CACNA1B: variants seen among roughly 807,000 people sequenced by gnomAD.
CACNA1B encodes voltage-dependent N-type calcium channel subunit alpha-1B.
CACNA1B carries 70 observed loss-of-function variants against 247.2 expected under a neutral mutation model. The ratio of observed to expected loss-of-function variants is 0.28; its 90% CI spans 0.23 to 0.35. CACNA1B has a LOEUF of 0.35. Ranked by LOEUF, CACNA1B falls within the 10% of genes least tolerant of loss-of-function variation. The pLI is 1.00. For missense variants in CACNA1B, 2,367 were observed against 3,197.4 expected (o/e 0.74, Z 6.26); for synonymous variants, 1,231 against 1,294.4 (o/e 0.95, Z 1.05).
In CACNA1B at chr9:138,021,142, G is replaced by C. The variant is rs568181953; in HGVS notation, c.2268-1869G>C. Among the ~76,000 whole-genome samples the C allele has an allele frequency of 4.6e-5, 7 of 152,318 alleles. No individual in the cohort carries two copies. In the South Asian group the frequency reaches 1.0e-3, roughly 23 times the overall value. ...ACCACTCAGCACTGTTGGCAGTAGA[G>C]CCCTTTTGTCTTGGTCCCAGCTGGG... is the stretch of plus-strand genomic sequence containing the variant. On this transcript the variant is annotated intron_variant, in intron 18 of 46. Coordinates refer to ENST00000371372, the MANE Select transcript of CACNA1B (RefSeq NM_000718.4).
In CACNA1B at chr9:138,121,905, G is replaced by A. The variant is rs199734998; in HGVS notation, c.6926G>A (p.Arg2309His). The stretch of plus-strand genomic sequence containing the variant: ...ACCTCCCAGTCTCACCCTCTCCGCC[G>A]CGTGCCCAACGGTTACCACTGCACC... ...SLTSQSHPLR[R>H]VPNGYHCTLG... The change falls in exon 47 of 47, where the codon CGC becomes CAC. Residue 2309 changes from arginine (R) to histidine (H), a missense_variant. Transcript: ENST00000371372. This position sits in a 1 kb window ranked among gnomAD's most constrained non-coding sequence, Gnocchi z 6.8. 29 of 1,611,934 alleles carry A rather than the reference G, an allele frequency of 1.8e-5. No individual in the cohort carries two copies. Among genetic ancestry groups the A allele is most frequent in the Non-Finnish European group, 2.4e-5 (28 of 1,179,838 alleles).
chr9:137,981,172 A>G (rs1442391770), intron 12 of CACNA1B, among the ~76,000 whole-genome samples: 3 of 152,156 alleles, frequency 2.0e-5, no homozygotes, highest in Non-Finnish European at 4.4e-5. Context: ...CTTTTTAATA[A>G]TAGCCATTCT....
In CACNA1B at chr9:138,097,712, C is replaced by T. The variant is rs929884899; in HGVS notation, c.5222+1101C>T. 3.4e-4 allele frequency among the ~76,000 whole-genome samples: 52 copies of T among 152,170 alleles called. 1 individual carries two copies. The highest frequency in any genetic ancestry group is 8.8e-5 in the Non-Finnish European group (6 of 68,034). Reference sequence around the variant, plus strand: ...GCTCCTCAGCCTGCCCAGGCCCCCTCGCACTCCTCTGCCCCCAGTGCCCTT... The same window carrying T: ...GCTCCTCAGCCTGCCCAGGCCCCCTTGCACTCCTCTGCCCCCAGTGCCCTT... On this transcript the variant is annotated intron_variant, in intron 37 of 46. Transcript: ENST00000371372.
At chr9:138,015,076 G>T (rs974856220) in intron 18 of CACNA1B, among the ~76,000 whole-genome samples, 1 of 152,120 alleles carries the variant, frequency 6.6e-6, no homozygotes, top group Admixed American at 6.5e-5. Context: ...ACCCCTAGGT[G>T]TTCTGCCTCA....
In CACNA1B at chr9:138,120,261, C is replaced by T. The variant is rs200036618; in HGVS notation, c.6127C>T (p.Pro2043Ser). Residue 2043 changes from proline (P) to serine (S), a missense_variant, in exon 45 of 47, where the codon CCC (proline) becomes TCC (serine). Pro to Ser is a moderately conservative substitution (Grantham distance 74). This residue lies in a region of CACNA1B where 773 missense variants were observed against 779.4 expected (regional missense o/e 0.99). Transcript: ENST00000371372. ...HLCSTTPDRP[P>S]PSQASSHHHH... Reference sequence around the variant, plus strand: ...TTGCAGCACCACCCCGGACCGCCCACCCCCTAGCCAGGCGTCGTCGCACCA... The same window carrying T: ...TTGCAGCACCACCCCGGACCGCCCATCCCCTAGCCAGGCGTCGTCGCACCA... 6.3e-7 allele frequency: 1 copy of T among 1,599,774 alleles called. No homozygotes were observed.
At position 138,058,537 on chromosome 9, in the gene CACNA1B, C is replaced by G; in HGVS notation, c.4309-32C>G. 6.3e-7 allele frequency: 1 copy of G among 1,584,602 alleles called. No homozygotes were observed. The highest frequency in any genetic ancestry group is 8.6e-7 in the Non-Finnish European group (1 of 1,166,448). Reference sequence around the variant, plus strand: ...ATGCCGTCGGGTAGGTTTTCTGCTTCTGAGTCTCTGTGCTCCTTTCTCCCC... The same window carrying G: ...ATGCCGTCGGGTAGGTTTTCTGCTTGTGAGTCTCTGTGCTCCTTTCTCCCC... On this transcript the variant is annotated intron_variant, in intron 28 of 46. Transcript: ENST00000371372. This position sits in a 1 kb window ranked among gnomAD's most constrained non-coding sequence, Gnocchi z 4.7.
Position 138,025,089 on chromosome 9 carries a change from G to A in CACNA1B, c.3203G>A (p.Gly1068Asp). ...AATCAGCGGAACGTCACTCGCATGG[G>A]CAGTCAGCCCCCAGACCCGAACACT... ...ADNQRNVTRM[G>D]SQPPDPNTIV... is the part of the protein sequence containing the mutation. The change falls in exon 20 of 47, where the codon GGC becomes GAC. Residue 1068 changes from glycine (G) to aspartate (D), a missense_variant. By Grantham distance (94) the Gly-to-Asp change is moderately conservative (BLOSUM62 -1). Coordinates refer to ENST00000371372, the MANE Select transcript of CACNA1B (RefSeq NM_000718.4). The A allele has an allele frequency of 6.2e-7, 1 of 1,613,334 alleles. No homozygotes were observed. The highest frequency in any genetic ancestry group is 1.1e-5 in the South Asian group (1 of 90,826).
chr9:138,116,993 A>G (rs556800576), intron 42 of CACNA1B, among the ~76,000 whole-genome samples: 1 of 152,310 alleles, frequency 6.6e-6, no homozygotes, highest in South Asian at 2.1e-4. Context: ...TGCTGTGGTC[A>G]GGGTGTGGTC....
chr9:138,037,921 G>C (rs532039620), intron 20 of CACNA1B, among the ~76,000 whole-genome samples: 9 of 152,168 alleles, frequency 5.9e-5, no homozygotes, highest in Non-Finnish European at 1.2e-4. Flanking sequence ...TCGCAAAATG[G>C]TGAATTTATA....
rs183608160 is a variant in CACNA1B at position 138,068,589 on chromosome 9, C to G, written c.4669-1169C>G. 295 of 518,774 alleles carry G rather than the reference C, an allele frequency of 5.7e-4. 2 individuals carry two copies. Among genetic ancestry groups the G allele is most frequent in the African/African-American group, 5.1e-3 (265 of 52,050 alleles). 32.1% of individuals were successfully genotyped at this position (518,774 alleles called of 1,614,324 possible). On this transcript the variant is annotated intron_variant, in intron 31 of 46. Transcript: ENST00000371372. ...GCACAGGTGGGCTGCATTGCTGATT[C>G]CTAAGGGCCTCCTCCTTGGAAACAG...
At chr9:138,107,222 A>T (rs192380480) in intron 39 of CACNA1B, among the ~76,000 whole-genome samples, 961 of 86,080 alleles carry the variant, frequency 0.011, 16 homozygotes, top group African/African-American at 0.048. Context: ...ATCTTATTTT[A>T]TTTATTTATT....
At chr9:138,047,762 G>A (rs1056439939) in intron 23 of CACNA1B, among the ~76,000 whole-genome samples, 88 of 152,214 alleles carry the variant, frequency 5.8e-4, no homozygotes, top group African/African-American at 2.0e-3. Context: ...ACATGTGGGC[G>A]GAGGCCCTTC....
chr9:138,015,865 C>T (rs115242160), intron 18 of CACNA1B, among the ~76,000 whole-genome samples: 432 of 152,260 alleles, frequency 2.8e-3, no homozygotes, highest in African/African-American at 9.3e-3. Flanking sequence ...GCTGGGTCAG[C>T]CTCATCCTCA....
chr9:138,010,880 G>A lies in CACNA1B; in HGVS notation c.2160+803G>A, dbSNP rs1958715578. On this transcript the variant is annotated intron_variant, in intron 17 of 46. Transcript: ENST00000371372. The surrounding 1 kb of genome is among the most constrained non-coding windows in gnomAD (Gnocchi z 5.3). ...TCCGGGGCTGAGAGAGGCAGGTTCA[G>A]GATTTCTGTCCATGGGCAGCAGAGA... is the stretch of plus-strand genomic sequence containing the variant. 1.3e-5 allele frequency among the ~76,000 whole-genome samples: 2 copies of A among 152,156 alleles called. No homozygotes were observed. The highest frequency in any genetic ancestry group is 1.3e-4 in the Admixed American group (2 of 15,284).
At chr9:138,105,063 G>C (rs778983777) in intron 38 of CACNA1B, among the ~76,000 whole-genome samples, 4 of 152,272 alleles carry the variant, frequency 2.6e-5, no homozygotes, top group Non-Finnish European at 5.9e-5. Context: ...AGTCCCATCT[G>C]TTCCTGTCCT....
At chr9:137,967,540 C>G (rs1386513427) in intron 10 of CACNA1B, among the ~76,000 whole-genome samples, 1 of 152,170 alleles carries the variant, frequency 6.6e-6, no homozygotes, top group South Asian at 2.1e-4. Context: ...ACTGTCTCCT[C>G]CGTTTTAACT....
At chr9:138,090,013 G>C (rs1960824718) in intron 36 of CACNA1B, among the ~76,000 whole-genome samples, 1 of 152,064 alleles carries the variant, frequency 6.6e-6, no homozygotes, top group Admixed American at 6.6e-5. Context: ...TTGTGAAAAG[G>C]ACCATGCAGA....
At chr9:138,091,403 G>GT (rs1960874624) in intron 36 of CACNA1B, among the ~76,000 whole-genome samples, 1 of 152,196 alleles carries the variant, frequency 6.6e-6, no homozygotes, top group Admixed American at 6.5e-5. Flanking sequence ...GAGGATGGGG[G>GT]ATAGCCAAAG....
Position 138,037,135 on chromosome 9 carries a change from T to G in CACNA1B, c.3287-6639T>G, listed in dbSNP as rs564797933. ...GGTTTGTCCCGTAGAATTTCTCAGT[T>G]TGGTTGTTTGCATCATGGTGTTGTT... On this transcript the variant is annotated intron_variant, in intron 20 of 46. Coordinates refer to ENST00000371372, the MANE Select transcript of CACNA1B (RefSeq NM_000718.4). 2.1e-4 allele frequency among the ~76,000 whole-genome samples: 32 copies of G among 152,318 alleles called. No individual in the cohort carries two copies. The South Asian group carries it at 3.9e-3, about 19-fold the overall frequency.
Sources: allele counts gnomAD v4.1 joint callset (sites outside exome capture counted in the v4.1 genomes callset), GRCh38; gene constraint gnomAD v4.1.1; regional missense constraint gnomAD v4.1.1; non-coding constraint Gnocchi (gnomAD v3.1); transcripts MANE v1.5; gene names NCBI Gene and HGNC (gene_info 2026-07-23, HGNC 2026-07-21).